Variants in CELSR1 observed in about 807,000 individuals in gnomAD.
CELSR1 encodes adhesion G protein-coupled receptor C1.
CELSR1 carries 110 observed loss-of-function variants against 249.1 expected under a neutral mutation model. That is an observed-to-expected ratio of 0.44 (90% CI 0.38 to 0.52). The LOEUF (loss-of-function observed/expected upper bound fraction) is 0.52, where lower values mean the gene tolerates loss of function less well. Ranked by LOEUF, CELSR1 falls within the 20% of genes least tolerant of loss-of-function variation. The pLI, the probability that CELSR1 is intolerant of heterozygous loss-of-function variation, is 0.00. For synonymous variants in CELSR1, 2,113 were observed against 1,900.0 expected, an observed-to-expected ratio of 1.11 and a Z score of -2.92; for missense variants, 4,109 against 4,296.4, an observed-to-expected ratio of 0.96 and a Z score of 1.22.
Position 46,536,203 on chromosome 22 carries a change from A to C in CELSR1, c.968T>G (p.Val323Gly). 6.2e-7 allele frequency: 1 copy of C among 1,612,364 alleles called. No homozygotes were observed. Among genetic ancestry groups the C allele is most frequent in the Non-Finnish European group, 8.5e-7 (1 of 1,179,900 alleles). Residue 323 changes from valine (V) to glycine (G), a missense_variant, in exon 1 of 35, where the codon GTG becomes GGG. Val to Gly is a moderately radical substitution (Grantham distance 109, BLOSUM62 -3). Coordinates refer to ENST00000674500, the MANE Select transcript of CELSR1 (RefSeq NM_001378328.1). ...RETKETHVLR[V>G]KAVDYSTPPR... is the part of the protein sequence containing the mutation. ...CGGCGTACTGTAGTCCACGGCTTTC[A>C]CCCTGAGGACGTGCGTCTCCTTGGT...
chr22:46,419,732 A>G (rs2099825323), intron 5 of CELSR1, among the ~76,000 whole-genome samples: 1 of 152,172 alleles, frequency 6.6e-6, no homozygotes, highest in South Asian at 2.1e-4. Flanking sequence ...GTGTACACTC[A>G]CCCACACTCG....
At chr22:46,478,538 GA>G (rs2080233364) in intron 1 of CELSR1, among the ~76,000 whole-genome samples, 1 of 151,352 alleles carries the variant, frequency 6.6e-6, no homozygotes, top group Non-Finnish European at 1.5e-5. Context: ...GGACAATAAA[GA>G]TGAGAATTTT....
chr22:46,391,364 T>C lies in CELSR1; in HGVS notation c.6149-77A>G. On this transcript the variant is annotated intron_variant, in intron 15 of 34. Transcript: ENST00000674500. The surrounding 1 kb of genome is among the most constrained non-coding windows in gnomAD (Gnocchi z 4.3). The stretch of plus-strand genomic sequence containing the variant: ...CCACAAACAGGCACCACTGTCTGCA[T>C]GCGCCTCCCTGCAGGAGGCCCTGCT... 2.3e-6 allele frequency: 3 copies of C among 1,281,754 alleles called. No individual in the cohort carries two copies. The highest frequency in any genetic ancestry group is 2.4e-5 in the East Asian group (1 of 41,118). 79.4% of individuals were successfully genotyped at this position (1,281,754 alleles called of 1,614,324 possible). A position where few individuals can be genotyped will look rare whatever the true frequency, so the allele number is the denominator to read the frequency against.
intron 1 of CELSR1, among the ~76,000 whole-genome samples, chr22:46,519,303 G>A (rs967541782): frequency 3.9e-5 from 6 of 152,202 alleles, no homozygotes; most frequent in African/African-American, 1.2e-4. Flanking sequence ...TTCCACCTCC[G>A]TAGAAACAAA....
At chr22:46,414,239 G>C (rs8137522) in intron 5 of CELSR1, among the ~76,000 whole-genome samples, 2,600 of 152,310 alleles carry the variant, frequency 0.017, 68 homozygotes, top group Middle Eastern at 0.061. Context: ...CAGCGCCCAG[G>C]ATGTGCTGCT....
At chr22:46,438,144 A>G (rs2079687502) in intron 3 of CELSR1, among the ~76,000 whole-genome samples, 1 of 150,486 alleles carries the variant, frequency 6.6e-6, no homozygotes, top group South Asian at 2.1e-4. Flanking sequence ...AATGCAAGCA[A>G]AAAGCAAAAA....
At chr22:46,366,597 C>A in intron 29 of CELSR1, 117 bp from the exon 30 acceptor site, 1 of 827,848 alleles carries the variant, frequency 1.2e-6, no homozygotes, top group Non-Finnish European at 2.0e-6. Context: ...TGGGCCCCTG[C>A]CTGGCACACA....
intron 1 of CELSR1, among the ~76,000 whole-genome samples, chr22:46,465,746 T>C (rs561736081): frequency 6.6e-6 from 1 of 152,348 alleles, no homozygotes; most frequent in Admixed American, 6.5e-5. Context: ...AAGCCACAGA[T>C]GCGTGCAGGT....
rs890071572 is a variant in CELSR1, at chr22:46,407,618, G to A, written c.5226+1378C>T. Reference sequence around the variant, plus strand: ...TCGCACTCCAGCCTGGGCAACAAGAGCAAAACTTTATCTCAAAAAAACAAA... The same window carrying A: ...TCGCACTCCAGCCTGGGCAACAAGAACAAAACTTTATCTCAAAAAAACAAA... On this transcript the variant is annotated intron_variant, in intron 9 of 34. Transcript: ENST00000674500. The surrounding 1 kb of genome is among the most constrained non-coding windows in gnomAD (Gnocchi z 4.8). Among the ~76,000 whole-genome samples, 14 of 151,928 alleles carry A rather than the reference G, an allele frequency of 9.2e-5. No homozygotes were observed. Among genetic ancestry groups the A allele is most frequent in the African/African-American group, 3.1e-4 (13 of 41,434 alleles).
At chr22:46,450,398 G>T (rs772080796) in intron 2 of CELSR1, among the ~76,000 whole-genome samples, 2 of 152,264 alleles carry the variant, frequency 1.3e-5, no homozygotes, top group African/African-American at 2.4e-5. Flanking sequence ...CTGACCCTGG[G>T]TATCCCCAGG....
At chr22:46,461,662 G>C (rs946388627) in intron 2 of CELSR1, among the ~76,000 whole-genome samples, 9 of 152,254 alleles carry the variant, frequency 5.9e-5, no homozygotes, top group Non-Finnish European at 1.3e-4. Context: ...CCCCAGAACA[G>C]GCTGGGGGAG....
chr22:46,502,173 G>A (rs2080471886), intron 1 of CELSR1, among the ~76,000 whole-genome samples: 1 of 151,196 alleles, frequency 6.6e-6, no homozygotes, highest in African/African-American at 2.4e-5. Flanking sequence ...TGAGGTGGGA[G>A]GATCACTTGA....
At position 46,473,516 on chromosome 22, in the gene CELSR1, C is replaced by T. The variant is rs905609823; in HGVS notation, c.3545-9171G>A. On this transcript the variant is annotated intron_variant, in intron 1 of 34. Transcript: ENST00000674500. The surrounding 1 kb of genome is among the most constrained non-coding windows in gnomAD (Gnocchi z 6.6). ...CCACTTATTCACTGTGAGTCTCCGT[C>T]ACCACCCCATGCACCAAAGCCTGGG... Among the ~76,000 whole-genome samples the T allele has an allele frequency of 6.6e-6, 1 of 152,154 alleles. No homozygotes were observed. Among genetic ancestry groups the T allele is most frequent in the Non-Finnish European group, 1.5e-5 (1 of 68,022 alleles).
chr22:46,397,617 T>A (rs2079163368), intron 12 of CELSR1, 57 bp downstream of exon 12: 1 of 1,362,230 alleles, frequency 7.3e-7, no homozygotes, highest in Non-Finnish European at 9.6e-7. Flanking sequence ...CCCCCTCCTG[T>A]GTTTCAGCCA....
rs578058129 is a variant in CELSR1 at position 46,419,699 on chromosome 22, C to A, written c.4612-7940G>T. On this transcript the variant is annotated intron_variant, in intron 5 of 34. Coordinates refer to ENST00000674500, the MANE Select transcript of CELSR1 (RefSeq NM_001378328.1). ...CAAAAAAGCTTACCAAAAATGTGTA[C>A]ACTCGCCCACTCACACTCACGTGTG... Among the ~76,000 whole-genome samples, 34 of 152,348 alleles carry A rather than the reference C, an allele frequency of 2.2e-4. 2 individuals carry two copies. The South Asian group carries it at 6.6e-3, about 30-fold the overall frequency.
At chr22:46,522,408 C>A (rs1203619140) in intron 1 of CELSR1, among the ~76,000 whole-genome samples, 1 of 152,140 alleles carries the variant, frequency 6.6e-6, no homozygotes, top group Non-Finnish European at 1.5e-5. Flanking sequence ...CCCACGCCTG[C>A]GGTTTCGACT....
rs571457658 is a variant in CELSR1, at chr22:46,472,175, C to G, written c.3545-7830G>C. Among the ~76,000 whole-genome samples, 3 of 152,306 alleles carry G rather than the reference C, an allele frequency of 2.0e-5. No individual in the cohort carries two copies. The South Asian group carries it at 6.2e-4, about 32-fold the overall frequency. On this transcript the variant is annotated intron_variant, in intron 1 of 34. Transcript: ENST00000674500. This position sits in a 1 kb window ranked among gnomAD's most constrained non-coding sequence, Gnocchi z 7.0. ...GAAGGAGACAGAGCAGACGGCAGAG[C>G]GCGAGGCTGCGGGGCCCTCCTGGCA...
chr22:46,433,323 C>A lies in CELSR1; in HGVS notation c.4611+70G>T. On this transcript the variant is annotated intron_variant, in intron 5 of 34. Transcript: ENST00000674500. This position sits in a 1 kb window ranked among gnomAD's most constrained non-coding sequence, Gnocchi z 5.7. ...GTGCTGGGATTACAGGCGTGAGCCA[C>A]TGCGCCTCGCCCCAGGGCACCTTCT... The A allele has an allele frequency of 8.1e-7, 1 of 1,227,866 alleles. No homozygotes were observed. Among genetic ancestry groups the A allele is most frequent in the Admixed American group, 1.9e-5 (1 of 51,544 alleles). 76.1% of individuals were successfully genotyped at this position (1,227,866 alleles called of 1,614,324 possible).
rs1044736854 is a variant in CELSR1 at position 46,488,070 on chromosome 22, G to A, written c.3545-23725C>T. Reference sequence around the variant, plus strand: ...AGGATCAGCTGACAGGGGCGTGAGGGAGGGGTGTCAAGTACCAGTGGAGGC... The same window carrying A: ...AGGATCAGCTGACAGGGGCGTGAGGAAGGGGTGTCAAGTACCAGTGGAGGC... On this transcript the variant is annotated intron_variant, in intron 1 of 34. Coordinates refer to ENST00000674500, the MANE Select transcript of CELSR1 (RefSeq NM_001378328.1). The surrounding 1 kb of genome is among the most constrained non-coding windows in gnomAD (Gnocchi z 4.7). Among the ~76,000 whole-genome samples the A allele has an allele frequency of 6.6e-6, 1 of 151,626 alleles. No individual in the cohort carries two copies. The highest frequency in any genetic ancestry group is 2.4e-5 in the African/African-American group (1 of 41,192).
Sources: gnomAD v4.1 joint callset for allele counts (sites outside exome capture counted in the v4.1 genomes callset) on GRCh38, gnomAD v4.1.1 for gene constraint, Gnocchi (gnomAD v3.1) non-coding constraint, MANE v1.5 for transcripts, NCBI Gene and HGNC (gene_info 2026-07-23, HGNC 2026-07-21) for gene names.